The following UBE2G2 variants were observed in gnomAD, a reference collection of about 807,000 sequenced individuals.
The protein encoded by UBE2G2 is ubiquitin-conjugating enzyme E2 G2.
Under a neutral mutation model 23.0 loss-of-function variants are expected in UBE2G2, and 10 were observed. That is an observed-to-expected ratio of 0.43 (90% CI 0.27 to 0.74). The LOEUF (loss-of-function observed/expected upper bound fraction) is 0.74, where lower values mean the gene tolerates loss of function less well. Ranked by LOEUF, UBE2G2 falls within the 30% of genes least tolerant of loss-of-function variation. The pLI, the probability that UBE2G2 is intolerant of heterozygous loss-of-function variation, is 0.19. For synonymous variants in UBE2G2, 86 were observed against 81.3 expected, an observed-to-expected ratio of 1.06 and a Z score of -0.31; for missense variants, 150 against 218.3, an observed-to-expected ratio of 0.69 and a Z score of 1.97.
intron 4 of UBE2G2, chr21:44,775,131 T>C (rs782714909): frequency 6.8e-5 from 11 of 160,798 alleles, no homozygotes; most frequent in Non-Finnish European, 5.4e-5. Flanking sequence ...ATCAAAACCT[T>C]CAGTATTGAC....
chr21:44,780,784 G>A (rs1483432858), intron 3 of UBE2G2, among the ~76,000 whole-genome samples: 5 of 152,230 alleles, frequency 3.3e-5, no homozygotes, highest in Non-Finnish European at 7.3e-5. Context: ...GCAACAGTGT[G>A]GGTCACTTAT....
rs777377564 is a variant in UBE2G2 at position 44,784,086 on chromosome 21, T to C, written c.125+3834A>G. Among the ~76,000 whole-genome samples the C allele has an allele frequency of 1.8e-3, 275 of 151,808 alleles. 1 individual carries two copies. Among genetic ancestry groups the C allele is most frequent in the Non-Finnish European group, 7.9e-4 (54 of 67,962 alleles). On this transcript the variant is annotated intron_variant, in intron 3 of 5. Transcript: ENST00000345496. ...TGGGAGGATTGTTTGAGCCTGGGAG[T>C]TTGAGGCTGCAGTGAGCTGTGACCA...
At chr21:44,796,918 T>C (rs1266911789) in intron 1 of UBE2G2, among the ~76,000 whole-genome samples, 1 of 152,202 alleles carries the variant, frequency 6.6e-6, no homozygotes, top group Non-Finnish European at 1.5e-5. Context: ...TCTTGTCATA[T>C]GTTGAATCTC....
intron 1 of UBE2G2, among the ~76,000 whole-genome samples, chr21:44,799,270 G>A (rs782639844): frequency 1.4e-4 from 21 of 152,192 alleles, no homozygotes; most frequent in African/African-American, 4.6e-4. Context: ...TAAAGTGACC[G>A]ACATTAGCCC....
At chr21:44,796,012 C>T (rs1199706559) in intron 1 of UBE2G2, among the ~76,000 whole-genome samples, 7 of 152,150 alleles carry the variant, frequency 4.6e-5, no homozygotes, top group African/African-American at 1.7e-4. Context: ...CCCCTCGAGC[C>T]CTCAAGAGGA....
chr21:44,787,013 A>C (rs1555962133), intron 3 of UBE2G2, among the ~76,000 whole-genome samples: 1 of 151,364 alleles, frequency 6.6e-6, no homozygotes, highest in Non-Finnish European at 1.5e-5. Context: ...AATCGCTTGA[A>C]CCCAAGGGGC....
chr21:44,797,714 CAAAAAAAAAA>C lies in UBE2G2; in HGVS notation c.43+3982_43+3991del, dbSNP rs60369865. 3.3e-4 allele frequency among the ~76,000 whole-genome samples: 13 copies of C among 39,322 alleles called. No individual in the cohort carries two copies. In the South Asian group the frequency reaches 4.4e-3, roughly 13 times the overall value. The allele number at this position is 39,322 out of a possible 152,430, so 25.8% of individuals were successfully genotyped here. A position where few individuals can be genotyped will look rare whatever the true frequency, so the allele number is the denominator to read the frequency against. ...TGGGCGACAGAGCAAAACTCCGTCTCAAAAAAAAAAAAAAAAAAAAAAAAAAAGAGAAAAT... is the reference window on the plus strand; with the variant it reads ...TGGGCGACAGAGCAAAACTCCGTCTCAAAAAAAAAAAAAAAAAGAGAAAAT... On this transcript the variant is annotated intron_variant, in intron 1 of 5. Transcript: ENST00000345496.
At chr21:44,786,399 T>C (rs1292234652) in intron 3 of UBE2G2, among the ~76,000 whole-genome samples, 2 of 152,080 alleles carry the variant, frequency 1.3e-5, no homozygotes, top group African/African-American at 4.8e-5. Flanking sequence ...TCCAGAAACC[T>C]TCAGACACCG....
At chr21:44,790,187 C>G (rs1555962755) in intron 1 of UBE2G2, among the ~76,000 whole-genome samples, 1 of 152,050 alleles carries the variant, frequency 6.6e-6, no homozygotes, top group African/African-American at 2.4e-5. Context: ...AAAGAATGGC[C>G]AAAATTAAAG....
At chr21:44,797,940 G>C (rs535349052) in intron 1 of UBE2G2, among the ~76,000 whole-genome samples, 1 of 152,204 alleles carries the variant, frequency 6.6e-6, no homozygotes, top group East Asian at 1.9e-4. Context: ...AACATTGTCA[G>C]AATCAAAATG....
At chr21:44,789,747 T>C (rs1249602419) in intron 1 of UBE2G2, among the ~76,000 whole-genome samples, 2 of 152,124 alleles carry the variant, frequency 1.3e-5, no homozygotes, top group Non-Finnish European at 2.9e-5. Context: ...GATGCTGTGG[T>C]CCAAACGCTT....
intron 1 of UBE2G2, among the ~76,000 whole-genome samples, chr21:44,789,493 A>T (rs1555962667): frequency 6.6e-6 from 1 of 152,016 alleles, no homozygotes; most frequent in African/African-American, 2.4e-5. Flanking sequence ...GCTCAAAGTT[A>T]AATTGAACAA....
intron 1 of UBE2G2, among the ~76,000 whole-genome samples, chr21:44,798,243 G>A (rs1601201077): frequency 6.6e-6 from 1 of 152,322 alleles, no homozygotes; most frequent in East Asian, 1.9e-4. Context: ...TGAGCCTTCA[G>A]CAGGTCATAA....
In UBE2G2 at chr21:44,771,404, C is replaced by A. The variant is rs1555959909; in HGVS notation, c.471G>T (p.Gln157His). 2 of 1,613,200 alleles carry A rather than the reference C, an allele frequency of 1.2e-6. No individual in the cohort carries two copies. Among genetic ancestry groups the A allele is most frequent in the Non-Finnish European group, 8.5e-7 (1 of 1,180,046 alleles). The part of the protein sequence containing the change: ...DREQFYKIAK[Q>H]IVQKSLGL ...ACAGTCCCAGAGACTTCTGGACGATCTGCTTGGCAATCTTATAGAACTGCT... is the reference window on the plus strand; with the variant it reads ...ACAGTCCCAGAGACTTCTGGACGATATGCTTGGCAATCTTATAGAACTGCT... Residue 157 changes from glutamine to histidine, a missense_variant, in exon 6 of 6, where the codon CAG becomes CAT. Transcript: ENST00000345496. The surrounding 1 kb of genome is among the most constrained non-coding windows in gnomAD (Gnocchi z 4.6).
rs2082884964 is a variant in UBE2G2, at chr21:44,772,946, C to T, written c.385+601G>A. The stretch of plus-strand genomic sequence containing the variant: ...GGGTCTGCTGGGGCTCCTCTCCCTG[C>T]AGCCTTGGCTCCAGCCAAAATGAGC... On this transcript the variant is annotated intron_variant, in intron 5 of 5. Coordinates refer to ENST00000345496, the MANE Select transcript of UBE2G2 (RefSeq NM_003343.6). This position sits in a 1 kb window ranked among gnomAD's most constrained non-coding sequence, Gnocchi z 5.4. Among the ~76,000 whole-genome samples, 1 of 152,362 alleles carries T rather than the reference C, an allele frequency of 6.6e-6. No individual in the cohort carries two copies. The highest frequency in any genetic ancestry group is 2.4e-5 in the African/African-American group (1 of 41,582).
At chr21:44,795,892 C>A (rs528003800) in intron 1 of UBE2G2, among the ~76,000 whole-genome samples, 1 of 152,044 alleles carries the variant, frequency 6.6e-6, no homozygotes, top group African/African-American at 2.4e-5. Context: ...GATGGCCATG[C>A]GAAGATGGAG....
At position 44,771,584 on chromosome 21, in the gene UBE2G2, T is replaced by C. The variant is rs1235223049; in HGVS notation, c.386-95A>G. Reference sequence around the variant, plus strand: ...ATTTATTTAAAACACTGGCGGGGGCTTTCAAGAGCTGTGTCCCAGAAACAA... The same window carrying C: ...ATTTATTTAAAACACTGGCGGGGGCCTTCAAGAGCTGTGTCCCAGAAACAA... On this transcript the variant is annotated intron_variant, in intron 5 of 5. Transcript: ENST00000345496. This position sits in a 1 kb window ranked among gnomAD's most constrained non-coding sequence, Gnocchi z 4.6. 3 of 1,287,020 alleles carry C rather than the reference T, an allele frequency of 2.3e-6. No individual in the cohort carries two copies. In the African/African-American group the frequency reaches 4.4e-5, roughly 19 times the overall value. 79.7% of individuals were successfully genotyped at this position (1,287,020 alleles called of 1,614,324 possible).
intron 1 of UBE2G2, among the ~76,000 whole-genome samples, chr21:44,791,830 T>G (rs1555962976): frequency 1.3e-5 from 2 of 149,572 alleles, no homozygotes. Flanking sequence ...AGACACTCAA[T>G]GCCCACCATG....
In UBE2G2 at chr21:44,797,741, A is replaced by AAT. The variant is rs869172926; in HGVS notation, c.43+3964_43+3965insAT. Among the ~76,000 whole-genome samples the AAT allele has an allele frequency of 6.5e-4, 70 of 108,010 alleles. 11 individuals are homozygous for AAT. Among genetic ancestry groups the AAT allele is most frequent in the Middle Eastern group, 5.1e-3 (1 of 196 alleles). 70.9% of individuals were successfully genotyped at this position (108,010 alleles called of 152,430 possible). Reference sequence around the variant, plus strand: ...AAAAAAAAAAAAAAAAAAAAAAAAAAGAGAAAATACCTGCTCACAGTCTAG... The same window carrying AAT: ...AAAAAAAAAAAAAAAAAAAAAAAAAAATGAGAAAATACCTGCTCACAGTCTAG... On this transcript the variant is annotated intron_variant, in intron 1 of 5. Transcript: ENST00000345496.
Sources: gnomAD v4.1 joint callset for allele counts (sites outside exome capture counted in the v4.1 genomes callset) on GRCh38, gnomAD v4.1.1 for gene constraint, Gnocchi (gnomAD v3.1) non-coding constraint, MANE v1.5 for transcripts, NCBI Gene and HGNC (gene_info 2026-07-23, HGNC 2026-07-21) for gene names.